ABCB1: variants seen among roughly 807,000 people sequenced by gnomAD.
The protein encoded by ABCB1 is ATP binding cassette subfamily B member 1, also known as ATP-dependent translocase ABCB1.
ABCB1 carries 69 observed loss-of-function variants against 142.0 expected under a neutral mutation model. The ratio of observed to expected loss-of-function variants is 0.49; its 90% confidence interval spans 0.40 to 0.59. The LOEUF is 0.59. ABCB1 is among the 20% of genes least tolerant of loss of function. ABCB1 has a pLI of 0.00. For missense variants in ABCB1, 1,326 were observed against 1,554.7 expected (o/e 0.85, Z 2.47); for synonymous variants, 532 against 539.2 (o/e 0.99, Z 0.18).
At chr7:87,557,705 C>T (rs1817363393) in intron 8 of ABCB1, among the ~76,000 whole-genome samples, 1 of 152,028 alleles carries the variant, frequency 6.6e-6, no homozygotes, top group Non-Finnish European at 1.5e-5. Flanking sequence ...AATCTGAATC[C>T]CTTTAAACTT....
intron 1 of ABCB1, among the ~76,000 whole-genome samples, chr7:87,667,347 A>G (rs1003192119): frequency 2.0e-5 from 3 of 150,750 alleles, no homozygotes; most frequent in Non-Finnish European, 4.4e-5. Context: ...GTATCCTGCA[A>G]CTTTGCTGGA....
intron 1 of ABCB1, among the ~76,000 whole-genome samples, chr7:87,652,272 A>G (rs895589325): frequency 1.5e-4 from 23 of 152,200 alleles, no homozygotes; most frequent in Admixed American, 2.6e-4. Flanking sequence ...AAAACTATCA[A>G]TAGCAAATGA....
chr7:87,648,912 T>C lies in ABCB1; in HGVS notation c.-330-47834A>G, dbSNP rs542771542. ...GTTCAATTTCTAATATGGTGAATAC[T>C]AGATATAACCTATATAAACAAATCT... On this transcript the variant is annotated intron_variant, in intron 1 of 28. Coordinates refer to the ABCB1 transcript ENST00000265724. Among the ~76,000 whole-genome samples the C allele has an allele frequency of 1.8e-4, 27 of 152,248 alleles. 1 individual carries two copies. In the South Asian group the frequency reaches 2.1e-3, roughly 12 times the overall value.
rs1819315993 is a variant in ABCB1, at chr7:87,598,743, T to A, written c.68+1374A>T. Reference sequence around the variant, plus strand: ...CTCAAAATCAGTTACAGTTACGATGTTCTTTGATGCTCAAATTGTCCCAGA... The same window carrying A: ...CTCAAAATCAGTTACAGTTACGATGATCTTTGATGCTCAAATTGTCCCAGA... On this transcript the variant is annotated intron_variant, in intron 2 of 27. Coordinates refer to ENST00000622132, the MANE Select transcript of ABCB1 (RefSeq NM_001348946.2). Among the ~76,000 whole-genome samples the A allele has an allele frequency of 2.0e-5, 3 of 152,360 alleles. No homozygotes were observed. In the South Asian group the frequency reaches 6.2e-4, roughly 32 times the overall value.
intron 1 of ABCB1, among the ~76,000 whole-genome samples, chr7:87,635,931 T>C (rs886278054): frequency 6.6e-6 from 1 of 152,232 alleles, no homozygotes; most frequent in African/African-American, 2.4e-5. Flanking sequence ...CTGTAGTTTG[T>C]TCATTTTCAT....
At chr7:87,681,414 T>A (rs1826915230) in intron 1 of ABCB1, among the ~76,000 whole-genome samples, 1 of 150,666 alleles carries the variant, frequency 6.6e-6, no homozygotes, top group African/African-American at 2.5e-5. Flanking sequence ...CTTGTTCAGT[T>A]CAAGACTAAT....
intron 1 of ABCB1, among the ~76,000 whole-genome samples, chr7:87,624,276 T>TA (rs1348189123): frequency 4.6e-5 from 7 of 152,158 alleles, no homozygotes; most frequent in Non-Finnish European, 7.3e-5. Flanking sequence ...AAATAAAAAT[T>TA]AAAAAAACTT....
At chr7:87,549,797 G>A in intron 13 of ABCB1, 54 bp downstream of exon 13, 3 of 1,569,370 alleles carry the variant, frequency 1.9e-6, no homozygotes, top group Non-Finnish European at 2.6e-6. Flanking sequence ...TGCATAGTAG[G>A]CCTGCATTTT....
chr7:87,548,902 A>T (rs1816922726), intron 14 of ABCB1, among the ~76,000 whole-genome samples: 1 of 152,172 alleles, frequency 6.6e-6, no homozygotes, highest in South Asian at 2.1e-4. Flanking sequence ...CTTATTTCGC[A>T]TAGAGTCTTC....
At chr7:87,703,620 A>G (rs1829280734) in intron 1 of ABCB1, among the ~76,000 whole-genome samples, 1 of 152,058 alleles carries the variant, frequency 6.6e-6, no homozygotes, top group African/African-American at 2.4e-5. Flanking sequence ...TGTCTCACGT[A>G]TTTAAGCCAG....
intron 5 of ABCB1, among the ~76,000 whole-genome samples, chr7:87,569,210 G>A (rs1423966105): frequency 3.3e-5 from 5 of 151,694 alleles, no homozygotes; most frequent in Non-Finnish European, 1.5e-5. Context: ...ACACACGCCT[G>A]TAATCCCAGC....
intron 1 of ABCB1, among the ~76,000 whole-genome samples, chr7:87,706,744 G>A (rs1007255063): frequency 3.9e-5 from 6 of 152,296 alleles, no homozygotes; most frequent in Non-Finnish European, 4.4e-5. Flanking sequence ...AACAGAAGTT[G>A]GAGCTTGGAA....
chr7:87,566,777 A>C lies in ABCB1; in HGVS notation c.530+8T>G, dbSNP rs199576156. ...ACACCCAAGTTCAACATAAAACTAA[A>C]TACTTACTCTGTAAGTCGGGTGTTA... On this transcript the variant is annotated splice_region_variant and intron_variant, in intron 6 of 27. Transcript: ENST00000622132. The C allele has an allele frequency of 3.7e-6, 6 of 1,612,704 alleles. No homozygotes were observed. The highest frequency in any genetic ancestry group is 4.2e-6 in the Non-Finnish European group (5 of 1,178,850).
chr7:87,578,862 T>C (rs1296114563), intron 4 of ABCB1, among the ~76,000 whole-genome samples: 1 of 151,260 alleles, frequency 6.6e-6, no homozygotes, highest in African/African-American at 2.4e-5. Flanking sequence ...CCCGGCTAAT[T>C]TTTTGTATTT....
At chr7:87,530,838 C>CAAGAAAGCAAGAAAGCAAGAAAGAAAGA (rs1412073870) in intron 21 of ABCB1, among the ~76,000 whole-genome samples, 18 of 71,262 alleles carry the variant, frequency 2.5e-4, no homozygotes, top group Admixed American at 6.9e-4. Context: ...AGCAAGAAAG[C>CAAGAAAGCAAGAAAGCAAGAAAGAAAGA]AAGAAAGAAA....
intron 27 of ABCB1, 29 bp downstream of exon 27, chr7:87,505,868 G>A: frequency 6.2e-7 from 1 of 1,613,684 alleles, no homozygotes; most frequent in Non-Finnish European, 8.5e-7. Context: ...ACTGATTCAA[G>A]TATGGATGAA....
intron 1 of ABCB1, among the ~76,000 whole-genome samples, chr7:87,706,116 C>G (rs954564695): frequency 6.6e-6 from 1 of 152,026 alleles, no homozygotes; most frequent in Admixed American, 6.6e-5. Flanking sequence ...TTAATTAGAC[C>G]AGTTTCAGAA....
At chr7:87,531,597 T>G (rs1816061276) in intron 20 of ABCB1, 100 bp from the exon 21 acceptor site, 1 of 1,108,330 alleles carries the variant, frequency 9.0e-7, no homozygotes, top group Non-Finnish European at 1.3e-6. Context: ...ATATTCATTA[T>G]TTTATCAGTA....
chr7:87,704,312 A>G (rs1585152008), intron 1 of ABCB1, among the ~76,000 whole-genome samples: 1 of 152,310 alleles, frequency 6.6e-6, no homozygotes, highest in African/African-American at 2.4e-5. Flanking sequence ...GATTAGCTGT[A>G]ATTTGAATGA....
Sources: allele counts gnomAD v4.1 joint callset (sites outside exome capture counted in the v4.1 genomes callset), GRCh38; gene constraint gnomAD v4.1.1; transcripts MANE v1.5; gene names NCBI Gene and HGNC (gene_info 2026-07-23, HGNC 2026-07-21).